Variants in CYP46A1 observed in about 807,000 individuals in gnomAD.
CYP46A1 encodes the protein cytochrome P450 family 46 subfamily A member 1, also known as cholesterol 24-hydroxylase.
CYP46A1 carries 20 observed loss-of-function variants against 63.3 expected under a neutral mutation model. That is an observed-to-expected ratio of 0.32 (90% CI 0.22 to 0.46). The LOEUF is 0.46. Among genes scored for constraint, CYP46A1 ranks in the 20% least tolerant of loss-of-function variants. The pLI is 1.00. For synonymous variants in CYP46A1, 268 were observed against 273.6 expected (o/e 0.98, Z 0.20); for missense variants, 445 against 670.8 (o/e 0.66, Z 3.72).
intron 5 of CYP46A1, among the ~76,000 whole-genome samples, chr14:99,705,785 C>T (rs561785145): frequency 6.6e-6 from 1 of 152,282 alleles, no homozygotes; most frequent in East Asian, 1.9e-4. Context: ...ATTAGCCAGC[C>T]ATGCTGGCAC....
intron 12 of CYP46A1, among the ~76,000 whole-genome samples, chr14:99,723,633 C>T (rs1194790822): frequency 6.6e-6 from 1 of 152,166 alleles, no homozygotes; most frequent in African/African-American, 2.4e-5. Flanking sequence ...TAAAAACTCA[C>T]GTGTTAATCT....
rs1223440431 is a variant in CYP46A1, at chr14:99,706,731, C to T, written c.528C>T (p.Thr176=). 1 of 1,613,592 alleles carries T rather than the reference C, an allele frequency of 6.2e-7. No individual in the cohort carries two copies. Among genetic ancestry groups the T allele is most frequent in the Admixed American group, 1.7e-5 (1 of 60,012 alleles). Residue 176 remains threonine (T), a synonymous_variant, in exon 6 of 15, where the codon ACC becomes ACT. Transcript: ENST00000261835. ...EILEAKADGQ[T]PVSMQDMLTY... ...TAGAAGCCAAGGCAGATGGGCAGAC[C>T]CCAGTGTCCATGCAGGACATGCTGA...
At chr14:99,694,496 CTCTT>C (rs1436935873) in intron 3 of CYP46A1, among the ~76,000 whole-genome samples, 1 of 146,532 alleles carries the variant, frequency 6.8e-6, no homozygotes, top group African/African-American at 2.5e-5. Context: ...TTGATTTCTC[CTCTT>C]TTTTTTTTTT....
Position 99,723,382 on chromosome 14 carries a change from C to T in CYP46A1, c.1176+1316C>T, listed in dbSNP as rs569426875. Among the ~76,000 whole-genome samples, 21 of 152,326 alleles carry T rather than the reference C, an allele frequency of 1.4e-4. 1 individual carries two copies. The Middle Eastern group carries it at 0.01, about 74-fold the overall frequency. On this transcript the variant is annotated intron_variant, in intron 12 of 14. Coordinates refer to ENST00000261835, the MANE Select transcript of CYP46A1 (RefSeq NM_006668.2). ...GGAGTGCAGTGGCGCCATCTCGGCT[C>T]ACTGCAACCTCTGCCTCCCGGGTTC...
chr14:99,721,111 C>A, intron 10 of CYP46A1, 128 bp from the exon 11 acceptor site: 1 of 693,204 alleles, frequency 1.4e-6, no homozygotes, highest in Non-Finnish European at 2.6e-6. Flanking sequence ...CTACAAGTAA[C>A]AGTGTTTGTG....
At position 99,699,810 on chromosome 14, in the gene CYP46A1, G is replaced by A. The variant is rs150815901; in HGVS notation, c.357-205G>A. Among the ~76,000 whole-genome samples, 275 of 152,206 alleles carry A rather than the reference G, an allele frequency of 1.8e-3. 2 individuals are homozygous for A. Among genetic ancestry groups the A allele is most frequent in the Middle Eastern group, 0.01 (3 of 292 alleles). On this transcript the variant is annotated intron_variant, in intron 4 of 14. Coordinates refer to ENST00000261835, the MANE Select transcript of CYP46A1 (RefSeq NM_006668.2). ...CTTTTTAAGTTATTTTTAAAATTCC[G>A]GTAAAACTGACATAACATTCACCAT...
intron 5 of CYP46A1, among the ~76,000 whole-genome samples, chr14:99,700,483 T>C (rs1244861314): frequency 1.3e-5 from 2 of 152,240 alleles, no homozygotes; most frequent in East Asian, 1.9e-4. Context: ...TGTATAACGA[T>C]GTTTCGGTCA....
At chr14:99,686,263 G>A (rs1190925355) in intron 1 of CYP46A1, among the ~76,000 whole-genome samples, 1 of 152,084 alleles carries the variant, frequency 6.6e-6, no homozygotes, top group African/African-American at 2.4e-5. Context: ...AAGTTTCATC[G>A]TTACTTGGTC....
chr14:99,720,029 T>C (rs2056830945), intron 10 of CYP46A1, among the ~76,000 whole-genome samples: 1 of 151,990 alleles, frequency 6.6e-6, no homozygotes, highest in Non-Finnish European at 1.5e-5. Flanking sequence ...CCCAAAGTGC[T>C]GGGATTACAG....
At chr14:99,719,484 A>G (rs1235400236) in intron 10 of CYP46A1, among the ~76,000 whole-genome samples, 2 of 152,004 alleles carry the variant, frequency 1.3e-5, no homozygotes, top group Non-Finnish European at 2.9e-5. Flanking sequence ...GGCATCACAA[A>G]GTGCTGGGAT....
At chr14:99,705,094 G>T (rs1381387836) in intron 5 of CYP46A1, among the ~76,000 whole-genome samples, 1 of 152,246 alleles carries the variant, frequency 6.6e-6, no homozygotes, top group Non-Finnish European at 1.5e-5. Context: ...AGTGTTTTAT[G>T]TTGCAAAGGG....
Position 99,722,972 on chromosome 14 carries a change from C to T in CYP46A1, c.1176+906C>T, listed in dbSNP as rs2056862590. On this transcript the variant is annotated intron_variant, in intron 12 of 14. Transcript: ENST00000261835. The surrounding 1 kb of genome is among the most constrained non-coding windows in gnomAD (Gnocchi z 4.6). Reference sequence around the variant, plus strand: ...ACCCCTGACTGTTCAGCTTTACAAACGAACGCCACATTGTTTTCCAAAGTG... The same window carrying T: ...ACCCCTGACTGTTCAGCTTTACAAATGAACGCCACATTGTTTTCCAAAGTG... 1 of 437,338 alleles carries T rather than the reference C, an allele frequency of 2.3e-6. No individual in the cohort carries two copies. The highest frequency in any genetic ancestry group is 4.7e-6 in the Non-Finnish European group (1 of 213,142). The allele number at this position is 437,338 out of a possible 1,614,324, so 27.1% of individuals were successfully genotyped here. A position where few individuals can be genotyped will look rare whatever the true frequency, so the allele number is the denominator to read the frequency against.
At chr14:99,705,065 G>A (rs1414107869) in intron 5 of CYP46A1, among the ~76,000 whole-genome samples, 1 of 152,218 alleles carries the variant, frequency 6.6e-6, no homozygotes, top group African/African-American at 2.4e-5. Flanking sequence ...CCCCTCCTAA[G>A]AGCAACAGCA....
At chr14:99,707,755 ATTT>A (rs34955990) in intron 7 of CYP46A1, 77 bp downstream of exon 7, 25 of 973,250 alleles carry the variant, frequency 2.6e-5, no homozygotes, top group South Asian at 7.3e-5. Flanking sequence ...TCCTTCAGTG[ATTT>A]TTTTTTTTTT....
chr14:99,718,008 A>G, intron 9 of CYP46A1, 46 bp from the exon 10 acceptor site: 1 of 1,491,054 alleles, frequency 6.7e-7, no homozygotes, highest in Non-Finnish European at 9.3e-7. Context: ...TGTCTCCTTC[A>G]TCCTGTGGCC....
At position 99,721,236 on chromosome 14, in the gene CYP46A1, C is replaced by T; in HGVS notation, c.981-3C>T. 6.2e-7 allele frequency: 1 copy of T among 1,613,436 alleles called. No homozygotes were observed. The highest frequency in any genetic ancestry group is 8.5e-7 in the Non-Finnish European group (1 of 1,179,318). ...ACGAACTTGTCTTTGTCTTACCCCACAGGCTGCAGGCCGAGGTGGATGAGG... is the reference window on the plus strand; with the variant it reads ...ACGAACTTGTCTTTGTCTTACCCCATAGGCTGCAGGCCGAGGTGGATGAGG... On this transcript the variant is annotated splice_region_variant and splice_polypyrimidine_tract_variant and intron_variant, in intron 10 of 14. Transcript: ENST00000261835.
At position 99,721,469 on chromosome 14, in the gene CYP46A1, C is replaced by A. The variant is rs1566836396; in HGVS notation, c.1065+146C>A. ...GGAAGATTTAAAGTATCCTGAGGCC[C>A]AGGCTGCCCCAGACTAATGACATCA... On this transcript the variant is annotated intron_variant, in intron 11 of 14. Coordinates refer to ENST00000261835, the MANE Select transcript of CYP46A1 (RefSeq NM_006668.2). 3 of 650,506 alleles carry A rather than the reference C, an allele frequency of 4.6e-6. No homozygotes were observed. The East Asian group carries it at 8.2e-5, about 18-fold the overall frequency. The allele number at this position is 650,506 out of a possible 1,614,324, so 40.3% of individuals were successfully genotyped here. A position where few individuals can be genotyped will look rare whatever the true frequency, so the allele number is the denominator to read the frequency against.
intron 13 of CYP46A1, 146 bp from the exon 14 acceptor site, chr14:99,726,044 G>C: frequency 1.4e-6 from 1 of 694,672 alleles, no homozygotes. Flanking sequence ...GGCAGAGTCA[G>C]CGGTTCATGC....
rs780207418 is a variant in CYP46A1 at position 99,715,923 on chromosome 14, G to A, written c.807G>A (p.Glu269=). Residue 269 remains glutamate (E), a synonymous_variant, in exon 8 of 15, where the codon GAG becomes GAA. Coordinates refer to ENST00000261835, the MANE Select transcript of CYP46A1 (RefSeq NM_006668.2). ...QRRREALKRG[E]EVPADILTQI... ...GCCGGGAAGCCCTGAAGAGGGGCGAGGAGGTTCCTGCCGACATCCTCACAC... is the reference window on the plus strand; with the variant it reads ...GCCGGGAAGCCCTGAAGAGGGGCGAAGAGGTTCCTGCCGACATCCTCACAC... 8.1e-6 allele frequency: 13 copies of A among 1,612,908 alleles called. No homozygotes were observed. In the East Asian group the frequency reaches 2.9e-4, roughly 36 times the overall value.
Sources: gnomAD v4.1 joint callset for allele counts (sites outside exome capture counted in the v4.1 genomes callset) on GRCh38, gnomAD v4.1.1 for gene constraint, Gnocchi (gnomAD v3.1) non-coding constraint, MANE v1.5 for transcripts, NCBI Gene and HGNC (gene_info 2026-07-23, HGNC 2026-07-21) for gene names.